SH3BGR: variants seen among roughly 807,000 people sequenced by gnomAD.
SH3BGR encodes SH3 domain-binding glutamic acid-rich protein.
A neutral mutation model predicts 24.5 loss-of-function variants in SH3BGR; 29 were observed. That is an observed-to-expected ratio of 1.18 (90% CI 0.88 to 1.61). The LOEUF (loss-of-function observed/expected upper bound fraction) is 1.61. Among genes scored for constraint, SH3BGR ranks in the 40% most tolerant of loss-of-function variants. SH3BGR has a pLI of 0.00. For missense variants in SH3BGR, 162 were observed against 205.8 expected, an observed-to-expected ratio of 0.79 and a Z score of 1.30; for synonymous variants, 55 against 65.7, an observed-to-expected ratio of 0.84 and a Z score of 0.79.
intron 3 of SH3BGR, among the ~76,000 whole-genome samples, chr21:39,482,812 C>T (rs1030245243): frequency 3.3e-5 from 5 of 152,142 alleles, no homozygotes; most frequent in South Asian, 2.1e-4. Flanking sequence ...TGGGGTTACC[C>T]GTGCCCGCCA....
At chr21:39,460,619 G>A (rs1043104764) in intron 1 of SH3BGR, among the ~76,000 whole-genome samples, 4 of 151,926 alleles carry the variant, frequency 2.6e-5, no homozygotes, top group Non-Finnish European at 5.9e-5. Flanking sequence ...TCAGGCGCAT[G>A]CCACCACGCC....
intron 3 of SH3BGR, among the ~76,000 whole-genome samples, chr21:39,490,273 C>T (rs1413257595): frequency 1.3e-5 from 2 of 152,186 alleles, no homozygotes; most frequent in African/African-American, 4.8e-5. Flanking sequence ...AGGGAAAAAG[C>T]ATAAGAGAGA....
chr21:39,467,947 G>T (rs932108307), intron 2 of SH3BGR, among the ~76,000 whole-genome samples: 1 of 152,360 alleles, frequency 6.6e-6, no homozygotes, highest in South Asian at 2.1e-4. Context: ...GCCAGGCACA[G>T]TTGAGGCCAG....
chr21:39,497,591 G>A lies in SH3BGR; in HGVS notation c.313-2232G>A, dbSNP rs987950470. Among the ~76,000 whole-genome samples the A allele has an allele frequency of 2.6e-5, 4 of 151,808 alleles. No individual in the cohort carries two copies. In the East Asian group the frequency reaches 5.8e-4, roughly 22 times the overall value. ...AGATACTCTAAAAATTTATAGTAAA[G>A]CACAAACAACTCAAGTAAAAATGAG... On this transcript the variant is annotated intron_variant, in intron 3 of 6. Transcript: ENST00000333634.
chr21:39,499,154 A>G (rs2078447363), intron 3 of SH3BGR, among the ~76,000 whole-genome samples: 1 of 151,568 alleles, frequency 6.6e-6, no homozygotes, highest in African/African-American at 2.4e-5. Context: ...CTCTCTTGAC[A>G]TGTGGGGATT....
At chr21:39,447,395 C>T, upstream of SH3BGR, among the ~76,000 whole-genome samples, 1 of 143,700 alleles carries the variant, frequency 7.0e-6, no homozygotes, top group Non-Finnish European at 1.5e-5. Context: ...GCCCTTGAAT[C>T]TTTCTTTGCT....
At chr21:39,508,950 C>G in intron 4 of SH3BGR, 48 bp from the exon 5 acceptor site, 2 of 1,398,912 alleles carry the variant, frequency 1.4e-6, no homozygotes, top group Non-Finnish European at 2.0e-6. Context: ...TGACTTTAAA[C>G]GTACTTGAAT....
At chr21:39,458,197 G>A (rs1255346310) in intron 1 of SH3BGR, among the ~76,000 whole-genome samples, 1 of 111,400 alleles carries the variant, frequency 9.0e-6, no homozygotes. Flanking sequence ...AATGACAAGG[G>A]GCTCTTGTGC....
chr21:39,506,193 A>C (rs564509386), intron 4 of SH3BGR, among the ~76,000 whole-genome samples: 33 of 152,326 alleles, frequency 2.2e-4, no homozygotes, highest in African/African-American at 7.5e-4. Flanking sequence ...CCCCAAACAC[A>C]CAGACTAGTG....
chr21:39,505,827 T>A (rs1281889712), intron 4 of SH3BGR, among the ~76,000 whole-genome samples: 1 of 152,194 alleles, frequency 6.6e-6, no homozygotes, highest in East Asian at 1.9e-4. Context: ...AGTTGAGACT[T>A]ACATTCCTAT....
chr21:39,467,853 A>C (rs116789534), intron 2 of SH3BGR, among the ~76,000 whole-genome samples: 3 of 152,124 alleles, frequency 2.0e-5, no homozygotes, highest in African/African-American at 7.2e-5. Context: ...AACTTCTGCT[A>C]CTCTATGCAG....
At chr21:39,482,514 T>TA (rs2078145929) in intron 3 of SH3BGR, among the ~76,000 whole-genome samples, 1 of 152,190 alleles carries the variant, frequency 6.6e-6, no homozygotes, top group Non-Finnish European at 1.5e-5. Context: ...ATACTGGAGT[T>TA]ACGTAAGAGA....
chr21:39,469,629 TC>T (rs2077903449), intron 2 of SH3BGR, among the ~76,000 whole-genome samples: 1 of 111,768 alleles, frequency 8.9e-6, no homozygotes, highest in Non-Finnish European at 2.1e-5. Context: ...TGCAGTATTT[TC>T]TTTTTTTTAA....
intron 4 of SH3BGR, among the ~76,000 whole-genome samples, chr21:39,505,534 G>A (rs572192546): frequency 2.3e-4 from 35 of 152,206 alleles, no homozygotes; most frequent in African/African-American, 7.9e-4. Context: ...AGGCTGAAGC[G>A]GGTGAATCAC....
At chr21:39,492,458 G>A (rs2078316244) in intron 3 of SH3BGR, among the ~76,000 whole-genome samples, 1 of 107,708 alleles carries the variant, frequency 9.3e-6, no homozygotes, top group Non-Finnish European at 2.1e-5. Flanking sequence ...GTGTGTGTGT[G>A]TGTGTGTGTA....
intron 6 of SH3BGR, among the ~76,000 whole-genome samples, chr21:39,513,968 A>G (rs976545529): frequency 1.1e-4 from 17 of 152,154 alleles, no homozygotes; most frequent in Non-Finnish European, 1.8e-4. Flanking sequence ...TTTATAGGCC[A>G]TTTCCAAAAA....
At chr21:39,496,433 G>A (rs2078396676) in intron 3 of SH3BGR, among the ~76,000 whole-genome samples, 1 of 151,116 alleles carries the variant, frequency 6.6e-6, no homozygotes, top group Non-Finnish European at 1.5e-5. Context: ...CCAGGAAGCG[G>A]AGCTTGCAGT....
rs1399440090 is a variant in SH3BGR at position 39,509,016 on chromosome 21, G to A, written c.424G>A (p.Ala142Thr). The change falls in exon 5 of 7, where the codon GCC (alanine) becomes ACC (threonine). Residue 142 changes from alanine (A) to threonine (T), a missense_variant. By Grantham distance (58) the Ala-to-Thr change is moderately conservative. Transcript: ENST00000333634. ...QEKNEEEGETATEETEEIAME... is the reference protein window; with the variant it reads ...QEKNEEEGETTTEETEEIAME... ...ATGTAAGGAAGAAGAAGGAGAGACA[G>A]CCACAGAAGAGGTACGGTCGACCAT... 1.2e-6 allele frequency: 2 copies of A among 1,609,326 alleles called. No individual in the cohort carries two copies. Among genetic ancestry groups the A allele is most frequent in the African/African-American group, 2.7e-5 (2 of 74,836 alleles).
chr21:39,508,893 A>G (rs1172864776), intron 4 of SH3BGR, 105 bp from the exon 5 acceptor site: 2 of 809,622 alleles, frequency 2.5e-6, no homozygotes, highest in African/African-American at 3.5e-5. Flanking sequence ...TGTGTTGTTC[A>G]TTTTGATTAG....
Sources: allele counts gnomAD v4.1 joint callset (sites outside exome capture counted in the v4.1 genomes callset), GRCh38; gene constraint gnomAD v4.1.1; transcripts MANE v1.5; gene names NCBI Gene and HGNC (gene_info 2026-07-23, HGNC 2026-07-21).